KIF16B: variants seen among roughly 807,000 people sequenced by gnomAD.
KIF16B encodes the protein kinesin family member 16B.
A neutral mutation model predicts 156.3 loss-of-function variants in KIF16B; 98 were observed. The ratio of observed to expected loss-of-function variants is 0.63; its 90% confidence interval spans 0.53 to 0.74. KIF16B has a LOEUF of 0.74. Among genes scored for constraint, KIF16B ranks in the 30% least tolerant of loss-of-function variants. The pLI is 0.00. For missense variants in KIF16B, 1,421 were observed against 1,606.5 expected (o/e 0.88, Z 1.97); for synonymous variants, 564 against 583.7 (o/e 0.97, Z 0.49).
intron 19 of KIF16B, among the ~76,000 whole-genome samples, chr20:16,377,191 CT>C (rs1430222975): frequency 6.6e-6 from 1 of 152,020 alleles, no homozygotes; most frequent in Non-Finnish European, 1.5e-5. Context: ...TTGAAGCCCC[CT>C]TAGGAGGTGC....
At chr20:16,291,414 T>C (rs2063313590) in intron 25 of KIF16B, among the ~76,000 whole-genome samples, 1 of 152,142 alleles carries the variant, frequency 6.6e-6, no homozygotes, top group Non-Finnish European at 1.5e-5. Context: ...CTTGGACACA[T>C]GTGTCTGGCT....
chr20:16,286,434 A>G (rs1042702294), intron 25 of KIF16B, among the ~76,000 whole-genome samples: 6 of 152,154 alleles, frequency 3.9e-5, no homozygotes, highest in Non-Finnish European at 5.9e-5. Context: ...AATCTTTGAA[A>G]GGTAACCTAG....
At chr20:16,394,659 C>T (rs1568930359) in intron 17 of KIF16B, among the ~76,000 whole-genome samples, 1 of 152,090 alleles carries the variant, frequency 6.6e-6, no homozygotes, top group Non-Finnish European at 1.5e-5. Flanking sequence ...CACAGGCTAA[C>T]TACCAAGTTA....
Position 16,508,115 on chromosome 20 carries a change from G to A in KIF16B, c.557-15C>T. On this transcript the variant is annotated splice_polypyrimidine_tract_variant and intron_variant, in intron 6 of 25. Coordinates refer to ENST00000354981, the MANE Select transcript of KIF16B (RefSeq NM_024704.5). Reference sequence around the variant, plus strand: ...TTTGGATAAATCTGAAAAAGAAAATGGAAGGGGTGAAGAAATCCCCCTAAT... The same window carrying A: ...TTTGGATAAATCTGAAAAAGAAAATAGAAGGGGTGAAGAAATCCCCCTAAT... The A allele has an allele frequency of 1.9e-6, 3 of 1,613,266 alleles. No homozygotes were observed. The highest frequency in any genetic ancestry group is 2.5e-6 in the Non-Finnish European group (3 of 1,179,436).
At chr20:16,483,429 C>T (rs1418886428) in intron 12 of KIF16B, among the ~76,000 whole-genome samples, 1 of 152,140 alleles carries the variant, frequency 6.6e-6, no homozygotes, top group African/African-American at 2.4e-5. Context: ...AAACTACATA[C>T]CTTAAAAAGT....
rs139866222 is a variant in KIF16B at position 16,390,764 on chromosome 20, C to T, written c.1785-9017G>A. Among the ~76,000 whole-genome samples the T allele has an allele frequency of 3.9e-4, 60 of 152,328 alleles. No homozygotes were observed. The East Asian group carries it at 8.9e-3, about 23-fold the overall frequency. The stretch of plus-strand genomic sequence containing the variant: ...TTGGACAAACCAGAAGAATGCACCA[C>T]ATAATTTTCCTCCCACTTCCTTCAG... On this transcript the variant is annotated intron_variant, in intron 17 of 25. Coordinates refer to ENST00000354981, the MANE Select transcript of KIF16B (RefSeq NM_024704.5).
At chr20:16,326,995 G>A (rs1017781217) in intron 24 of KIF16B, among the ~76,000 whole-genome samples, 1 of 149,822 alleles carries the variant, frequency 6.7e-6, no homozygotes, top group Non-Finnish European at 1.5e-5. Flanking sequence ...ATGTGTGTAT[G>A]TGTATGTGTA....
intron 2 of KIF16B, 114 bp downstream of exon 2, chr20:16,528,257 A>T: frequency 3.9e-6 from 3 of 760,400 alleles, no homozygotes; most frequent in South Asian, 3.2e-5. Context: ...GGCTAACTGC[A>T]CTGGAAAGGA....
At chr20:16,303,426 G>T (rs2063499864) in intron 25 of KIF16B, among the ~76,000 whole-genome samples, 1 of 152,190 alleles carries the variant, frequency 6.6e-6, no homozygotes, top group African/African-American at 2.4e-5. Context: ...AAAACTAGTT[G>T]TTCTTATCCT....
At chr20:16,428,834 G>A (rs1308486353) in intron 14 of KIF16B, 119 bp downstream of exon 14, 26 of 818,334 alleles carry the variant, frequency 3.2e-5, no homozygotes, top group Non-Finnish European at 4.9e-5. Context: ...GACCAACACT[G>A]TACTTGAAAA....
At chr20:16,427,693 G>C (rs1480944604) in intron 14 of KIF16B, among the ~76,000 whole-genome samples, 2 of 152,030 alleles carry the variant, frequency 1.3e-5, no homozygotes, top group African/African-American at 4.8e-5. Flanking sequence ...TGCACTCCAG[G>C]AGCAGAAACC....
rs2068550033 is a variant in KIF16B, at chr20:16,499,350, TA to T, written c.1177-1673del. 2.0e-5 allele frequency among the ~76,000 whole-genome samples: 3 copies of T among 152,318 alleles called. No homozygotes were observed. In the South Asian group the frequency reaches 6.2e-4, roughly 32 times the overall value. ...CCTAATCCAGATGTAATTCACCAGT[TA>T]GGGGTCATTTTCGTCATTAGGGATG... On this transcript the variant is annotated intron_variant, in intron 10 of 25. Coordinates refer to ENST00000354981, the MANE Select transcript of KIF16B (RefSeq NM_024704.5).
intron 24 of KIF16B, among the ~76,000 whole-genome samples, chr20:16,318,373 G>C (rs1474541863): frequency 6.6e-6 from 1 of 152,018 alleles, no homozygotes; most frequent in Non-Finnish European, 1.5e-5. Context: ...GCCCAAAGAA[G>C]TAAATAATAC....
At chr20:16,284,425 A>G (rs900673720) in intron 25 of KIF16B, among the ~76,000 whole-genome samples, 1 of 152,190 alleles carries the variant, frequency 6.6e-6, no homozygotes, top group African/African-American at 2.4e-5. Flanking sequence ...ACGTTGCCAG[A>G]GGCCACCCTG....
chr20:16,412,650 G>C (rs141245483), intron 15 of KIF16B, among the ~76,000 whole-genome samples: 18 of 152,110 alleles, frequency 1.2e-4, no homozygotes, highest in African/African-American at 4.1e-4. Flanking sequence ...GATCTCGTGA[G>C]AACTCACCAT....
At position 16,378,966 on chromosome 20, in the gene KIF16B, C is replaced by A. The variant is rs930008090; in HGVS notation, c.3036G>T (p.Leu1012=). 1.2e-6 allele frequency: 2 copies of A among 1,614,132 alleles called. No homozygotes were observed. ...TCTGCAGCGCAGAATGTCTCCTCTC[C>A]AGCCTGGCCAGGGCCCGCTCCAGCG... is the stretch of plus-strand genomic sequence containing the variant. ...REALERALAR[L]ERRHSALQRH... The change falls in exon 19 of 26, where the codon CTG becomes CTT. Residue 1012 remains leucine (L), a synonymous_variant. Transcript: ENST00000354981.
chr20:16,379,475 G>C lies in KIF16B; in HGVS notation c.2527C>G (p.Leu843Val). The change falls in exon 19 of 26, where the codon CTG (leucine) becomes GTG (valine). Residue 843 changes from leucine to valine, a missense_variant. Physicochemically the swap from Leu to Val is conservative, Grantham distance 32. Coordinates refer to ENST00000354981, the MANE Select transcript of KIF16B (RefSeq NM_024704.5). ...TTCAGGATGTCTTTCTGCTGAACCAGGTCCTTCTCCAAGTTCACTAGCTTG... is the reference window on the plus strand; with the variant it reads ...TTCAGGATGTCTTTCTGCTGAACCACGTCCTTCTCCAAGTTCACTAGCTTG... ...LVKLVNLEKD[L>V]VQQKDILKKE... The C allele has an allele frequency of 6.2e-7, 1 of 1,614,054 alleles. No individual in the cohort carries two copies. The highest frequency in any genetic ancestry group is 2.2e-5 in the East Asian group (1 of 44,878).
intron 12 of KIF16B, among the ~76,000 whole-genome samples, chr20:16,460,367 G>A (rs1162428917): frequency 1.3e-5 from 2 of 152,116 alleles, no homozygotes; most frequent in Non-Finnish European, 2.9e-5. Context: ...GATCACTTGA[G>A]GTTAGGAGTT....
chr20:16,530,670 C>T (rs2069715030), intron 1 of KIF16B, among the ~76,000 whole-genome samples: 1 of 152,118 alleles, frequency 6.6e-6, no homozygotes, highest in East Asian at 1.9e-4. Context: ...CCCACAGAAA[C>T]TCTGAGATAA....
Sources: allele counts gnomAD v4.1 joint callset (sites outside exome capture counted in the v4.1 genomes callset), GRCh38; gene constraint gnomAD v4.1.1; transcripts MANE v1.5; gene names NCBI Gene and HGNC (gene_info 2026-07-23, HGNC 2026-07-21).